The following ANP32B variants were observed in gnomAD, a reference collection of about 807,000 sequenced individuals.
ANP32B encodes the protein acidic leucine-rich nuclear phosphoprotein 32 family member B.
Under a neutral mutation model 32.2 loss-of-function variants are expected in ANP32B, and 6 were observed. The observed-to-expected ratio is 0.19, with a 90% CI of 0.10 to 0.37. ANP32B has a LOEUF of 0.37. Among genes scored for constraint, ANP32B ranks in the 10% least tolerant of loss-of-function variants. The probability of loss-of-function intolerance (pLI) is 1.00; values close to 1 mark genes in which losing one functional copy is unlikely to be tolerated. For missense variants in ANP32B, 204 were observed against 289.2 expected (o/e 0.71, Z 2.14); for synonymous variants, 98 against 105.8 (o/e 0.93, Z 0.45).
At chr9:97,996,218 A>G (rs530781007) in intron 2 of ANP32B, among the ~76,000 whole-genome samples, 2 of 152,316 alleles carry the variant, frequency 1.3e-5, no homozygotes, top group South Asian at 2.1e-4. Flanking sequence ...ACTTGATGCT[A>G]GCAGATCCTT....
chr9:97,983,465 C>T lies in ANP32B; in HGVS notation c.-91C>T, dbSNP rs1827630467. The T allele has an allele frequency of 1.6e-6, 2 of 1,238,202 alleles. No homozygotes were observed. Among genetic ancestry groups the T allele is most frequent in the Non-Finnish European group, 2.3e-6 (2 of 878,046 alleles). The allele number at this position is 1,238,202 out of a possible 1,614,324, so 76.7% of individuals were successfully genotyped here. A position where few individuals can be genotyped will look rare whatever the true frequency, so the allele number is the denominator to read the frequency against. ...CGGCCTCCGCCGCTAGCAAACCCTT[C>T]CGACGGCCCTCGCTGCGCAAGCCGG... On this transcript the variant is annotated 5_prime_UTR_variant, in exon 1 of 7. Coordinates refer to ENST00000339399, the MANE Select transcript of ANP32B (RefSeq NM_006401.3).
At chr9:98,005,623 A>G (rs942208218) in intron 4 of ANP32B, among the ~76,000 whole-genome samples, 2 of 152,172 alleles carry the variant, frequency 1.3e-5, no homozygotes, top group Non-Finnish European at 2.9e-5. Flanking sequence ...CATTAAATTT[A>G]TAGCTAAGGC....
intron 1 of ANP32B, among the ~76,000 whole-genome samples, chr9:97,994,091 A>AT (rs1201762277): frequency 2.6e-5 from 4 of 152,234 alleles, no homozygotes; most frequent in East Asian, 1.9e-4. Context: ...TTGCATCCTG[A>AT]TTTTTTTTCC....
At chr9:98,006,668 AAGCTATCCAAC>A (rs1458281130) in intron 4 of ANP32B, among the ~76,000 whole-genome samples, 19 of 152,220 alleles carry the variant, frequency 1.2e-4, no homozygotes, top group Non-Finnish European at 2.2e-4. Flanking sequence ...ATGTGGCAAC[AAGCTATCCAAC>A]AAAGCCATGA....
At chr9:98,000,375 C>T (rs1827969716) in intron 3 of ANP32B, among the ~76,000 whole-genome samples, 1 of 152,156 alleles carries the variant, frequency 6.6e-6, no homozygotes, top group African/African-American at 2.4e-5. Flanking sequence ...GCATTTTGCC[C>T]TTTTTCCTAT....
intron 1 of ANP32B, 152 bp downstream of exon 1, chr9:97,983,761 G>T: frequency 1.9e-6 from 1 of 531,474 alleles, no homozygotes; most frequent in Non-Finnish European, 3.0e-6. Flanking sequence ...GGCGCGGAGG[G>T]GGGAGCGAGC....
At chr9:98,007,664 C>G (rs898956423) in intron 4 of ANP32B, among the ~76,000 whole-genome samples, 1 of 152,162 alleles carries the variant, frequency 6.6e-6, no homozygotes, top group Non-Finnish European at 1.5e-5. Context: ...GGACGGCTTT[C>G]TGGTTTCACT....
Position 98,015,557 on chromosome 9 carries a change from A to G in ANP32B, c.*126A>G. On this transcript the variant is annotated 3_prime_UTR_variant, in exon 7 of 7. Transcript: ENST00000339399. ...AACCCCAGGACACCCACCCACCCAA[A>G]GAGCCAAAGAATAGTTCCTGTGACA... 8.5e-6 allele frequency: 12 copies of G among 1,413,050 alleles called. No individual in the cohort carries two copies. Among genetic ancestry groups the G allele is most frequent in the Non-Finnish European group, 1.1e-5 (12 of 1,080,960 alleles). The allele number at this position is 1,413,050 out of a possible 1,614,324, so 87.5% of individuals were successfully genotyped here. A position where few individuals can be genotyped will look rare whatever the true frequency, so the allele number is the denominator to read the frequency against.
intron 1 of ANP32B, among the ~76,000 whole-genome samples, chr9:97,988,879 A>G (rs1386681388): frequency 2.0e-5 from 3 of 152,360 alleles, no homozygotes; most frequent in South Asian, 2.1e-4. Context: ...TTCACTTACC[A>G]TAATAACCAG....
At chr9:97,999,643 GATA>G (rs1827958207) in intron 3 of ANP32B, among the ~76,000 whole-genome samples, 1 of 152,312 alleles carries the variant, frequency 6.6e-6, no homozygotes, top group African/African-American at 2.4e-5. Flanking sequence ...TAGCAGGGAG[GATA>G]ATAATCCCTG....
intron 3 of ANP32B, among the ~76,000 whole-genome samples, chr9:98,001,192 A>G (rs1587876327): frequency 7.4e-6 from 1 of 135,742 alleles, no homozygotes; most frequent in Non-Finnish European, 1.6e-5. Flanking sequence ...TTCTGGTTTA[A>G]TTTTTTTTTT....
chr9:98,015,852 T>C lies in ANP32B; in HGVS notation c.*421T>C, dbSNP rs952844798. On this transcript the variant is annotated 3_prime_UTR_variant, in exon 7 of 7. Transcript: ENST00000339399. ...ATGCTTTGCTTTTTAATTATTATTA[T>C]TATTTTTTTTACATTAGGACATTTT... is the stretch of plus-strand genomic sequence containing the variant. 1 of 959,680 alleles carries C rather than the reference T, an allele frequency of 1.0e-6. No homozygotes were observed. The highest frequency in any genetic ancestry group is 1.9e-5 in the African/African-American group (1 of 52,162). 59.4% of individuals were successfully genotyped at this position (959,680 alleles called of 1,614,324 possible).
chr9:98,003,982 C>G (rs942706015), intron 3 of ANP32B, among the ~76,000 whole-genome samples: 1 of 152,208 alleles, frequency 6.6e-6, no homozygotes. Flanking sequence ...TCTGCTGTCA[C>G]TTCCTGTTGC....
At chr9:97,985,789 C>T (rs1335324736) in intron 1 of ANP32B, among the ~76,000 whole-genome samples, 1 of 152,192 alleles carries the variant, frequency 6.6e-6, no homozygotes, top group African/African-American at 2.4e-5. Flanking sequence ...TTTAAAAACA[C>T]ATGTATATCT....
intron 2 of ANP32B, among the ~76,000 whole-genome samples, chr9:97,995,001 A>G (rs1388073974): frequency 6.6e-6 from 1 of 152,168 alleles, no homozygotes; most frequent in African/African-American, 2.4e-5. Context: ...AACTGGTGGT[A>G]TTACTTGACC....
At chr9:97,983,867 C>CG (rs1237593623) in intron 1 of ANP32B, among the ~76,000 whole-genome samples, 2 of 151,994 alleles carry the variant, frequency 1.3e-5, no homozygotes, top group Admixed American at 1.3e-4. Context: ...CTTCGCCCGC[C>CG]GGGGTCTTTC....
chr9:97,983,694 G>C, intron 1 of ANP32B, 85 bp downstream of exon 1: 1 of 1,138,624 alleles, frequency 8.8e-7, no homozygotes. Context: ...CTGAGGGTTC[G>C]CCGGCCCCGG....
At chr9:98,013,315 C>T (rs10984775) in intron 6 of ANP32B, among the ~76,000 whole-genome samples, 36,521 of 152,176 alleles carry the variant, frequency 0.24, 4,755 homozygotes, top group Non-Finnish European at 0.3. Flanking sequence ...GTGTGAGCCA[C>T]CATGCCTAGC....
At chr9:97,986,390 T>C (rs1167232542) in intron 1 of ANP32B, among the ~76,000 whole-genome samples, 1 of 152,196 alleles carries the variant, frequency 6.6e-6, no homozygotes, top group Non-Finnish European at 1.5e-5. Context: ...GAGAGTGTTG[T>C]GGGAGCCAGC....
Sources: gnomAD v4.1 joint callset for allele counts (sites outside exome capture counted in the v4.1 genomes callset) on GRCh38, gnomAD v4.1.1 for gene constraint, MANE v1.5 for transcripts, NCBI Gene and HGNC (gene_info 2026-07-23, HGNC 2026-07-21) for gene names.